HIVEP3: variants seen among roughly 807,000 people sequenced by gnomAD.
The protein encoded by HIVEP3 is transcription factor HIVEP3.
In HIVEP3, 49 loss-of-function variants were observed where a neutral mutation model predicts 152.8. The observed-to-expected ratio is 0.32, with a 90% confidence interval of 0.26 to 0.41. HIVEP3 has a LOEUF of 0.41. HIVEP3 is among the 10% of genes least tolerant of loss of function. The pLI is 1.00. For synonymous variants in HIVEP3, 1,269 were observed against 1,289.0 expected (o/e 0.98, Z 0.33); for missense variants, 2,790 against 3,103.3 (o/e 0.90, Z 2.40).
intron 1 of HIVEP3, among the ~76,000 whole-genome samples, chr1:41,896,728 C>T (rs1239158947): frequency 1.3e-5 from 2 of 152,032 alleles, no homozygotes; most frequent in Non-Finnish European, 2.9e-5. Flanking sequence ...GTGCGTGCCA[C>T]CACACCCGGC....
rs1363745198 is a variant in HIVEP3 at position 41,527,198 on chromosome 1, TCCCACACATGCTCA to T, written c.5208-2302_5208-2289del. 1.9e-4 allele frequency among the ~76,000 whole-genome samples: 12 copies of T among 62,690 alleles called. No homozygotes were observed. The East Asian group carries it at 4.1e-3, about 22-fold the overall frequency. 41.1% of individuals were successfully genotyped at this position (62,690 alleles called of 152,430 possible). ...CACACCCACTCACCTTCACTCCCAC[TCCCACACATGCTCA>T]CCCTCACACACTCACCCTCACACAC... On this transcript the variant is annotated intron_variant, in intron 5 of 8. Coordinates refer to ENST00000372583, the MANE Select transcript of HIVEP3 (RefSeq NM_024503.5).
intron 1 of HIVEP3, among the ~76,000 whole-genome samples, chr1:41,959,638 G>A (rs1397505173): frequency 6.6e-6 from 1 of 152,168 alleles, no homozygotes; most frequent in Non-Finnish European, 1.5e-5. Context: ...TTAAACCAAA[G>A]CCATAATATG....
intron 1 of HIVEP3, among the ~76,000 whole-genome samples, chr1:41,989,340 A>C (rs1049677336): frequency 1.3e-5 from 2 of 152,198 alleles, no homozygotes; most frequent in African/African-American, 4.8e-5. Flanking sequence ...GTACATCATA[A>C]ATATGTACAA....
intron 1 of HIVEP3, among the ~76,000 whole-genome samples, chr1:41,856,546 G>A (rs561180632): frequency 5.3e-5 from 8 of 152,286 alleles, no homozygotes; most frequent in African/African-American, 9.6e-5. Flanking sequence ...GAAAACAAGC[G>A]GGCGTTCGCA....
intron 1 of HIVEP3, among the ~76,000 whole-genome samples, chr1:41,942,912 T>C (rs915667716): frequency 6.6e-6 from 1 of 152,112 alleles, no homozygotes; most frequent in African/African-American, 2.4e-5. Flanking sequence ...TTTTTTTTCT[T>C]TTTTTGAGAC....
chr1:41,950,334 CA>C (rs71819499), intron 1 of HIVEP3, among the ~76,000 whole-genome samples: 2,347 of 150,468 alleles, frequency 0.016, 60 homozygotes, highest in African/African-American at 0.055. Flanking sequence ...ACAAAACAAA[CA>C]AAAAAAAACG....
chr1:41,668,165 G>C (rs1196173408), intron 2 of HIVEP3, among the ~76,000 whole-genome samples: 2 of 152,212 alleles, frequency 1.3e-5, no homozygotes, highest in Non-Finnish European at 2.9e-5. Context: ...GGCAGTGGGT[G>C]GGCAGGAAGG....
chr1:41,818,785 G>C (rs1048307282), intron 1 of HIVEP3, among the ~76,000 whole-genome samples: 5 of 152,152 alleles, frequency 3.3e-5, no homozygotes, highest in African/African-American at 9.7e-5. Context: ...TCTCCCCCTT[G>C]TGCATTCCAA....
chr1:41,722,100 A>G (rs1646682122), intron 1 of HIVEP3, among the ~76,000 whole-genome samples: 1 of 151,526 alleles, frequency 6.6e-6, no homozygotes, highest in Admixed American at 6.6e-5. Flanking sequence ...TGGGATCTCT[A>G]CCTCCCCACC....
chr1:41,947,249 C>T (rs576529968), intron 1 of HIVEP3, among the ~76,000 whole-genome samples: 23 of 152,306 alleles, frequency 1.5e-4, no homozygotes, highest in Middle Eastern at 6.8e-3. Context: ...TTTTAGCCAC[C>T]CGTTCAGAAA....
intron 1 of HIVEP3, among the ~76,000 whole-genome samples, chr1:41,842,655 A>G (rs528592881): frequency 2.0e-5 from 3 of 152,310 alleles, no homozygotes; most frequent in African/African-American, 7.2e-5. Flanking sequence ...GCCCAGCATG[A>G]GTTCATTCTC....
intron 5 of HIVEP3, among the ~76,000 whole-genome samples, chr1:41,537,100 C>G (rs1228980988): frequency 6.6e-6 from 1 of 152,206 alleles, no homozygotes; most frequent in African/African-American, 2.4e-5. Flanking sequence ...AAGCCCGTGA[C>G]TTTTCACTCC....
chr1:41,949,084 A>ATG lies in HIVEP3; in HGVS notation n.120-30561_120-30560insCA, dbSNP rs1645090928. Among the ~76,000 whole-genome samples, 11 of 152,304 alleles carry ATG rather than the reference A, an allele frequency of 7.2e-5. No homozygotes were observed. The South Asian group carries it at 2.1e-3, about 29-fold the overall frequency. ...ATGCATCAGGTGGGTAACTCCTCCCACACAAATAGTCTGTCTACCCACAGG... is the reference window on the plus strand; with the variant it reads ...ATGCATCAGGTGGGTAACTCCTCCCATGCACAAATAGTCTGTCTACCCACAGG... On this transcript the variant is annotated intron_variant and non_coding_transcript_variant, in intron 1 of 3. Coordinates refer to the HIVEP3 transcript ENST00000489103.
rs928690472 is a variant in HIVEP3, at chr1:41,604,928, A to G, written c.-521-19610T>C. ...AGACCAGCTTGGGCAATGTAGGGAGACCTCATCTCTACAAAAAATAAATAA... is the reference window on the plus strand; with the variant it reads ...AGACCAGCTTGGGCAATGTAGGGAGGCCTCATCTCTACAAAAAATAAATAA... On this transcript the variant is annotated intron_variant, in intron 3 of 8. Coordinates refer to ENST00000372583, the MANE Select transcript of HIVEP3 (RefSeq NM_024503.5). Among the ~76,000 whole-genome samples the G allele has an allele frequency of 2.6e-5, 4 of 151,884 alleles. No homozygotes were observed. In the East Asian group the frequency reaches 7.7e-4, roughly 29 times the overall value.
intron 1 of HIVEP3, among the ~76,000 whole-genome samples, chr1:42,032,063 C>T (rs1645616076): frequency 6.6e-6 from 1 of 152,240 alleles, no homozygotes; most frequent in South Asian, 2.1e-4. Flanking sequence ...GGCTCTCCAG[C>T]ACCTATTTAA....
At chr1:41,896,560 C>T (rs940842317) in intron 1 of HIVEP3, among the ~76,000 whole-genome samples, 18 of 150,514 alleles carry the variant, frequency 1.2e-4, no homozygotes, top group Non-Finnish European at 2.7e-4. Context: ...AAAAGGCATG[C>T]TTTTTACTTT....
intron 2 of HIVEP3, among the ~76,000 whole-genome samples, chr1:41,683,453 T>C (rs1190212066): frequency 6.6e-6 from 1 of 152,244 alleles, no homozygotes; most frequent in African/African-American, 2.4e-5. Flanking sequence ...GCTGGAGCTG[T>C]GAAGTGCTAA....
At chr1:41,548,607 C>T (rs1054400564) in intron 5 of HIVEP3, among the ~76,000 whole-genome samples, 1 of 151,862 alleles carries the variant, frequency 6.6e-6, no homozygotes, top group African/African-American at 2.4e-5. Flanking sequence ...CCGATATCGG[C>T]TCATTGCAAC....
At chr1:41,527,227 CCCTCACACACTCA>C (rs1448443895) in intron 5 of HIVEP3, among the ~76,000 whole-genome samples, 2 of 119,276 alleles carry the variant, frequency 1.7e-5, no homozygotes, top group East Asian at 2.4e-4. Context: ...CACACACTCA[CCCTCACACACTCA>C]CCTCACACAC....
Sources: allele counts gnomAD v4.1 joint callset (sites outside exome capture counted in the v4.1 genomes callset), GRCh38; gene constraint gnomAD v4.1.1; transcripts MANE v1.5; gene names NCBI Gene and HGNC (gene_info 2026-07-23, HGNC 2026-07-21).